The following ZNF407 variants were observed in gnomAD, a reference collection of about 807,000 sequenced individuals.
The protein encoded by ZNF407 is zinc finger protein 407.
ZNF407 carries 17 observed loss-of-function variants against 131.2 expected under a neutral mutation model. That is an observed-to-expected ratio of 0.13 (90% CI 0.09 to 0.19). ZNF407 has a LOEUF of 0.19. Among genes scored for constraint, ZNF407 ranks in the 10% least tolerant of loss-of-function variants. The pLI is 1.00. For missense variants in ZNF407, 2,681 were observed against 2,830.6 expected, an observed-to-expected ratio of 0.95 and a Z score of 1.20; for synonymous variants, 1,156 against 1,062.0, an observed-to-expected ratio of 1.09 and a Z score of -1.72.
At chr18:74,667,152 G>A (rs1181436005) in intron 3 of ZNF407, among the ~76,000 whole-genome samples, 2 of 152,046 alleles carry the variant, frequency 1.3e-5, no homozygotes, top group Non-Finnish European at 2.9e-5. Context: ...TCCAGCTCTC[G>A]TCACACCCTT....
chr18:74,707,813 A>G (rs190235019), intron 3 of ZNF407, among the ~76,000 whole-genome samples: 7 of 152,300 alleles, frequency 4.6e-5, no homozygotes, highest in Non-Finnish European at 8.8e-5. Context: ...ACCCATCTGT[A>G]TCTCCTACAT....
intron 8 of ZNF407, among the ~76,000 whole-genome samples, chr18:75,057,957 G>A (rs1264400646): frequency 6.6e-6 from 1 of 152,096 alleles, no homozygotes; most frequent in South Asian, 2.1e-4. Context: ...TTAATTAAAT[G>A]TAAGCTTAAC....
At chr18:74,982,295 C>T (rs1049299623) in intron 8 of ZNF407, among the ~76,000 whole-genome samples, 2 of 152,114 alleles carry the variant, frequency 1.3e-5, no homozygotes, top group African/African-American at 4.8e-5. Flanking sequence ...CCTTAAAGCC[C>T]GTTATTGAAA....
chr18:74,874,489 C>G (rs1971128755), intron 4 of ZNF407, among the ~76,000 whole-genome samples: 2 of 152,166 alleles, frequency 1.3e-5, no homozygotes, highest in Admixed American at 1.3e-4. Context: ...GGAGGGGCAT[C>G]TCCTTGGGGG....
At chr18:74,911,192 A>G (rs1326893122) in intron 7 of ZNF407, among the ~76,000 whole-genome samples, 1 of 152,218 alleles carries the variant, frequency 6.6e-6, no homozygotes, top group Non-Finnish European at 1.5e-5. Flanking sequence ...GTATGTTTCT[A>G]TATGTGCATT....
intron 4 of ZNF407, among the ~76,000 whole-genome samples, chr18:74,839,054 C>A (rs572790701): frequency 2.0e-5 from 3 of 151,900 alleles, no homozygotes; most frequent in African/African-American, 7.2e-5. Flanking sequence ...GTATTAAATG[C>A]TTGAAGAAAC....
intron 3 of ZNF407, among the ~76,000 whole-genome samples, chr18:74,764,301 G>A (rs1019457134): frequency 6.6e-6 from 1 of 151,946 alleles, no homozygotes. Flanking sequence ...CTTTTTTTGT[G>A]TGTGTTTTCT....
chr18:74,627,018 C>G (rs1983813254), intron 1 of ZNF407, among the ~76,000 whole-genome samples: 1 of 152,184 alleles, frequency 6.6e-6, no homozygotes, highest in Non-Finnish European at 1.5e-5. Flanking sequence ...ACTTATAATG[C>G]CCCTCCTTGT....
intron 1 of ZNF407, among the ~76,000 whole-genome samples, chr18:74,599,951 T>C (rs1982508449): frequency 6.6e-6 from 1 of 152,254 alleles, no homozygotes; most frequent in Admixed American, 6.5e-5. Context: ...CACTGAGCGT[T>C]TTCCTTGCTT....
At chr18:74,940,057 T>C (rs1012238925) in intron 8 of ZNF407, among the ~76,000 whole-genome samples, 2 of 152,198 alleles carry the variant, frequency 1.3e-5, no homozygotes, top group Admixed American at 6.5e-5. Flanking sequence ...CACAGTACCT[T>C]TCAAATATTA....
At chr18:74,706,421 T>TCCCAG (rs1555679027) in intron 3 of ZNF407, among the ~76,000 whole-genome samples, 5 of 152,248 alleles carry the variant, frequency 3.3e-5, no homozygotes, top group Non-Finnish European at 7.3e-5. Context: ...GTGGGTGGGA[T>TCCCAG]GATCCATGTT....
At chr18:74,749,778 T>C (rs1968756313) in intron 3 of ZNF407, among the ~76,000 whole-genome samples, 1 of 152,188 alleles carries the variant, frequency 6.6e-6, no homozygotes, top group Non-Finnish European at 1.5e-5. Flanking sequence ...GGTCAAGTCT[T>C]AACATCTTAT....
chr18:74,940,054 C>A (rs188017030), intron 8 of ZNF407, among the ~76,000 whole-genome samples: 2 of 152,276 alleles, frequency 1.3e-5, no homozygotes, highest in Admixed American at 1.3e-4. Context: ...TGCCACAGTA[C>A]CTTTCAAATA....
chr18:74,852,963 A>G (rs1382806605), intron 4 of ZNF407, among the ~76,000 whole-genome samples: 2 of 152,158 alleles, frequency 1.3e-5, no homozygotes, highest in South Asian at 4.1e-4. Flanking sequence ...TCTTTAATGG[A>G]TTAGTCAAAT....
chr18:74,803,555 T>C (rs1168148036), intron 4 of ZNF407, among the ~76,000 whole-genome samples: 1 of 152,232 alleles, frequency 6.6e-6, no homozygotes, highest in African/African-American at 2.4e-5. Context: ...ATTTTCTTCC[T>C]ATATTTTAGC....
chr18:74,990,449 C>G (rs1461907271), intron 8 of ZNF407, among the ~76,000 whole-genome samples: 1 of 152,142 alleles, frequency 6.6e-6, no homozygotes, highest in East Asian at 1.9e-4. Context: ...TGACACTCTT[C>G]TGATTCTGTT....
rs1328092682 is a variant in ZNF407 at position 74,877,377 on chromosome 18, C to T, written c.5044+14C>T. ...GGACGCACACAGGTGTGCCGCGCCGCCTTCCTATCCCAGGAGGCTGGGCAG... is the reference window on the plus strand; with the variant it reads ...GGACGCACACAGGTGTGCCGCGCCGTCTTCCTATCCCAGGAGGCTGGGCAG... On this transcript the variant is annotated intron_variant, in intron 5 of 8. Coordinates refer to ENST00000299687, the MANE Select transcript of ZNF407 (RefSeq NM_017757.3). 5 of 1,608,574 alleles carry T rather than the reference C, an allele frequency of 3.1e-6. No individual in the cohort carries two copies. The highest frequency in any genetic ancestry group is 4.2e-6 in the Non-Finnish European group (5 of 1,176,612).
chr18:74,935,680 G>A (rs556302796), intron 8 of ZNF407, among the ~76,000 whole-genome samples: 2 of 152,294 alleles, frequency 1.3e-5, no homozygotes, highest in South Asian at 4.1e-4. Flanking sequence ...ACTTGGTTTT[G>A]TAAAACTTGA....
At chr18:74,960,220 T>G (rs1599264733) in intron 8 of ZNF407, among the ~76,000 whole-genome samples, 2 of 151,280 alleles carry the variant, frequency 1.3e-5, no homozygotes, top group African/African-American at 4.9e-5. Context: ...AGGTCCTGAG[T>G]GTGGACTGGG....
Sources: allele counts gnomAD v4.1 joint callset (sites outside exome capture counted in the v4.1 genomes callset), GRCh38; gene constraint gnomAD v4.1.1; transcripts MANE v1.5; gene names NCBI Gene and HGNC (gene_info 2026-07-23, HGNC 2026-07-21).